The following KCNJ6 variants were observed in gnomAD, a reference collection of about 807,000 sequenced individuals.
The protein encoded by KCNJ6 is G protein-activated inward rectifier potassium channel 2.
A neutral mutation model predicts 34.2 loss-of-function variants in KCNJ6; 9 were observed. That is an observed-to-expected ratio of 0.26 (90% CI 0.16 to 0.46). The LOEUF is 0.46. Ranked by LOEUF, KCNJ6 falls within the 20% of genes least tolerant of loss-of-function variation. The pLI is 1.00. For synonymous variants in KCNJ6, 196 were observed against 207.1 expected, an observed-to-expected ratio of 0.95 and a Z score of 0.46; for missense variants, 236 against 531.3, an observed-to-expected ratio of 0.44 and a Z score of 5.46.
chr21:37,670,138 G>T (rs1464622289), intron 3 of KCNJ6, among the ~76,000 whole-genome samples: 2 of 152,154 alleles, frequency 1.3e-5, no homozygotes, highest in Non-Finnish European at 2.9e-5. Flanking sequence ...CCCATTAAAT[G>T]ATCTTAGTGT....
chr21:37,747,257 A>G (rs1367520310), intron 2 of KCNJ6, among the ~76,000 whole-genome samples: 3 of 152,156 alleles, frequency 2.0e-5, no homozygotes, highest in Non-Finnish European at 4.4e-5. Context: ...GAGGGCCAGA[A>G]GGGGATTTGT....
intron 1 of KCNJ6, among the ~76,000 whole-genome samples, chr21:37,860,454 C>T (rs1309062167): frequency 6.6e-6 from 1 of 152,170 alleles, no homozygotes; most frequent in African/African-American, 2.4e-5. Flanking sequence ...TGGTCTGTTC[C>T]CTATATGGCA....
At chr21:37,681,181 T>C (rs1209734868) in intron 3 of KCNJ6, among the ~76,000 whole-genome samples, 1 of 152,256 alleles carries the variant, frequency 6.6e-6, no homozygotes, top group African/African-American at 2.4e-5. Flanking sequence ...CTCACGACCC[T>C]AGTCAGAAAT....
At chr21:37,646,723 T>G in intron 3 of KCNJ6, among the ~76,000 whole-genome samples, 2 of 150,806 alleles carry the variant, frequency 1.3e-5, no homozygotes, top group Non-Finnish European at 2.9e-5. Context: ...CAGGCTGGAG[T>G]GCAGTGGTGC....
chr21:37,619,118 G>A lies in KCNJ6; in HGVS notation c.*6041C>T, dbSNP rs2054282405. ...CAATATAACAACATCACAATGATTT[G>A]TTACATTGTTACTTTTTTTTCTTTC... On this transcript the variant is annotated 3_prime_UTR_variant, in exon 4 of 4. Coordinates refer to ENST00000609713, the MANE Select transcript of KCNJ6 (RefSeq NM_002240.5). 1 of 152,150 alleles carries A rather than the reference G, an allele frequency of 6.6e-6. No homozygotes were observed. The highest frequency in any genetic ancestry group is 1.5e-5 in the Non-Finnish European group (1 of 68,022). 9.4% of individuals were successfully genotyped at this position (152,150 alleles called of 1,614,324 possible).
chr21:37,666,860 C>T (rs879044061), intron 3 of KCNJ6, among the ~76,000 whole-genome samples: 1 of 151,558 alleles, frequency 6.6e-6, no homozygotes, highest in Non-Finnish European at 1.5e-5. Flanking sequence ...CCCCCAACCC[C>T]GTGCTCTCTG....
chr21:37,679,787 T>C (rs1434144656), intron 3 of KCNJ6, among the ~76,000 whole-genome samples: 1 of 152,230 alleles, frequency 6.6e-6, no homozygotes, highest in Non-Finnish European at 1.5e-5. Flanking sequence ...TCTCTCTAAA[T>C]CCTCAGGGCC....
chr21:37,846,702 AT>A (rs1010934830), intron 1 of KCNJ6, among the ~76,000 whole-genome samples: 2 of 152,036 alleles, frequency 1.3e-5, no homozygotes, highest in Non-Finnish European at 2.9e-5. Context: ...GAAAACTGTG[AT>A]TTTTTTCCCA....
intron 2 of KCNJ6, among the ~76,000 whole-genome samples, chr21:37,728,865 T>C (rs1401349179): frequency 6.6e-6 from 1 of 152,216 alleles, no homozygotes; most frequent in Non-Finnish European, 1.5e-5. Flanking sequence ...CTTGCCCTGA[T>C]GTTTATCCTT....
intron 2 of KCNJ6, among the ~76,000 whole-genome samples, chr21:37,748,409 G>A (rs1269175758): frequency 6.6e-6 from 1 of 152,198 alleles, no homozygotes; most frequent in African/African-American, 2.4e-5. Flanking sequence ...GTAGGAGTGG[G>A]TGGGTGAGGA....
At chr21:37,897,251 C>T (rs1002493058) in intron 1 of KCNJ6, among the ~76,000 whole-genome samples, 1 of 152,208 alleles carries the variant, frequency 6.6e-6, no homozygotes. Context: ...GGACTCCTCC[C>T]CTTGCTTAGT....
chr21:37,715,734 A>G (rs2054787142), intron 2 of KCNJ6, among the ~76,000 whole-genome samples: 1 of 152,188 alleles, frequency 6.6e-6, no homozygotes, highest in Non-Finnish European at 1.5e-5. Context: ...AGGGAGAGAC[A>G]CCAGGGGTGC....
rs146852237 is a variant in KCNJ6, at chr21:37,883,886, T to A, written c.-28+31998A>T. Among the ~76,000 whole-genome samples the A allele has an allele frequency of 9.2e-5, 14 of 152,286 alleles. No homozygotes were observed. In the East Asian group the frequency reaches 2.5e-3, roughly 27 times the overall value. On this transcript the variant is annotated intron_variant, in intron 1 of 3. Coordinates refer to ENST00000609713, the MANE Select transcript of KCNJ6 (RefSeq NM_002240.5). Reference sequence around the variant, plus strand: ...AGGGGCTAAGAAATAAGTGAGCCCCTGTTGGCTTTCCAGGTTGGTGACCCC... The same window carrying A: ...AGGGGCTAAGAAATAAGTGAGCCCCAGTTGGCTTTCCAGGTTGGTGACCCC...
At chr21:37,688,923 T>A (rs1004350626) in intron 3 of KCNJ6, among the ~76,000 whole-genome samples, 1 of 152,196 alleles carries the variant, frequency 6.6e-6, no homozygotes, top group Non-Finnish European at 1.5e-5. Context: ...GGTTTGAATA[T>A]GTTTCATGAA....
At chr21:37,899,834 G>C (rs2836043) in intron 1 of KCNJ6, among the ~76,000 whole-genome samples, 1 of 152,234 alleles carries the variant, frequency 6.6e-6, no homozygotes, top group East Asian at 1.9e-4. Context: ...TTAATGACTG[G>C]GACATTATTG....
intron 3 of KCNJ6, among the ~76,000 whole-genome samples, chr21:37,689,106 C>T (rs2054628147): frequency 6.6e-6 from 1 of 152,126 alleles, no homozygotes; most frequent in African/African-American, 2.4e-5. Flanking sequence ...TATCTCTATT[C>T]TCTCTGTTCC....
rs756498155 is a variant in KCNJ6, at chr21:37,714,168, GAGCATCTATCCC to G, written c.946+31_946+42del. The G allele has an allele frequency of 9.2e-5, 125 of 1,365,178 alleles. No individual in the cohort carries two copies. Among genetic ancestry groups the G allele is most frequent in the Non-Finnish European group, 1.2e-4 (121 of 972,260 alleles). 84.6% of individuals were successfully genotyped at this position (1,365,178 alleles called of 1,614,324 possible). ...AAGAACATCAGGTCCAGTTTAAAATGAGCATCTATCCCACAGCCATCCCAGGATAGAACACAT... is the reference window on the plus strand; with the variant it reads ...AAGAACATCAGGTCCAGTTTAAAATGACAGCCATCCCAGGATAGAACACAT... On this transcript the variant is annotated intron_variant, in intron 3 of 3. Transcript: ENST00000609713. This position sits in a 1 kb window ranked among gnomAD's most constrained non-coding sequence, Gnocchi z 5.9.
At chr21:37,766,198 TG>T (rs2123499610) in intron 2 of KCNJ6, among the ~76,000 whole-genome samples, 1 of 152,284 alleles carries the variant, frequency 6.6e-6, no homozygotes, top group Admixed American at 6.5e-5. Flanking sequence ...TGGGAAGAAC[TG>T]GGGTAACTAA....
At position 37,840,673 on chromosome 21, in the gene KCNJ6, G is replaced by A. The variant is rs757384670; in HGVS notation, c.10C>T (p.Leu4=). 14 of 1,603,800 alleles carry A rather than the reference G, an allele frequency of 8.7e-6. No individual in the cohort carries two copies. In the South Asian group the frequency reaches 1.4e-4, roughly 17 times the overall value. MAK[L]TESMTNVLEG... ...AGCTACTCACTCATGGATTCTGTCAGCTTGGCCATTGTTGCAGTTTCTTCT... is the reference window on the plus strand; with the variant it reads ...AGCTACTCACTCATGGATTCTGTCAACTTGGCCATTGTTGCAGTTTCTTCT... The change falls in exon 2 of 4, where the codon CTG becomes TTG. Residue 4 remains leucine (L), a synonymous_variant. Coordinates refer to ENST00000609713, the MANE Select transcript of KCNJ6 (RefSeq NM_002240.5).
Sources: allele counts gnomAD v4.1 joint callset (sites outside exome capture counted in the v4.1 genomes callset), GRCh38; gene constraint gnomAD v4.1.1; non-coding constraint Gnocchi (gnomAD v3.1); transcripts MANE v1.5; gene names NCBI Gene and HGNC (gene_info 2026-07-23, HGNC 2026-07-21).